EP400: variants seen among roughly 807,000 people sequenced by gnomAD.
EP400 encodes E1A binding protein p400, also known as E1A-binding protein p400.
EP400 carries 105 observed loss-of-function variants against 354.1 expected under a neutral mutation model. The ratio of observed to expected loss-of-function variants is 0.30; its 90% CI spans 0.25 to 0.35. The LOEUF is 0.35. Ranked by LOEUF, EP400 falls within the 10% of genes least tolerant of loss-of-function variation. EP400 has a pLI of 1.00. For missense variants in EP400, 3,280 were observed against 4,121.0 expected (o/e 0.80, Z 5.59); for synonymous variants, 1,646 against 1,716.9 (o/e 0.96, Z 1.02).
At chr12:131,960,390 G>C (rs371965516) in intron 1 of EP400, among the ~76,000 whole-genome samples, 195 bp from the exon 2 acceptor site, 1 of 152,144 alleles carries the variant, frequency 6.6e-6, no homozygotes, top group Non-Finnish European at 1.5e-5. Context: ...ACCCACTCCC[G>C]TGTGGCCCAC....
Position 132,050,318 on chromosome 12 carries a change from T to C in EP400, c.7201-5T>C. 6.2e-7 allele frequency: 1 copy of C among 1,614,016 alleles called. No individual in the cohort carries two copies. Among genetic ancestry groups the C allele is most frequent in the Non-Finnish European group, 8.5e-7 (1 of 1,179,978 alleles). ...TCAGATGCACTCTCGTCAATTTCAT[T>C]GCAGAGTAAAAACAACCGTCCTCTC... On this transcript the variant is annotated splice_region_variant and splice_polypyrimidine_tract_variant and intron_variant, in intron 39 of 52. Coordinates refer to ENST00000389561, the MANE Select transcript of EP400 (RefSeq NM_015409.5). The surrounding 1 kb of genome is among the most constrained non-coding windows in gnomAD (Gnocchi z 4.8).
At position 132,013,042 on chromosome 12, in the gene EP400, A is replaced by G. The variant is rs767791937; in HGVS notation, c.3475A>G (p.Ile1159Val). Residue 1159 changes from isoleucine (I) to valine (V), a missense_variant, in exon 17 of 53, where the codon ATC becomes GTC. By Grantham distance (29) the Ile-to-Val change is conservative (BLOSUM62 3). Transcript: ENST00000389561. The surrounding 1 kb of genome is among the most constrained non-coding windows in gnomAD (Gnocchi z 4.5). Reference protein sequence around the residue: ...WAEPNSFHVCITSYTQFFRGL... With the variant: ...WAEPNSFHVCVTSYTQFFRGL... ...CGAACCCAACAGCTTCCACGTCTGC[A>G]TCACGTCCTACACTCAGTTCTTCCG... 1.9e-6 allele frequency: 3 copies of G among 1,613,724 alleles called. No individual in the cohort carries two copies. Among genetic ancestry groups the G allele is most frequent in the Non-Finnish European group, 2.5e-6 (3 of 1,179,946 alleles).
At chr12:131,987,380 A>G (rs1394289455) in intron 6 of EP400, among the ~76,000 whole-genome samples, 1 of 152,144 alleles carries the variant, frequency 6.6e-6, no homozygotes, top group Non-Finnish European at 1.5e-5. Context: ...AATTCCAGAC[A>G]TCCTATGGTT....
At position 132,069,568 on chromosome 12, in the gene EP400, C is replaced by A; in HGVS notation, c.8948C>A (p.Thr2983Asn). The A allele has an allele frequency of 6.2e-7, 1 of 1,614,228 alleles. No homozygotes were observed. Among genetic ancestry groups the A allele is most frequent in the Non-Finnish European group, 8.5e-7 (1 of 1,180,016 alleles). Residue 2983 changes from threonine to asparagine, a missense_variant, in exon 51 of 53, where the codon ACC becomes AAC. Physicochemically the swap from Thr to Asn is moderately conservative, Grantham distance 65. Transcript: ENST00000389561. ...VAYAAQPALK[T>N]QFLTTPISQA... ...TACGCCGCGCAGCCGGCCCTTAAGACCCAGTTTCTTACCACACCCATCTCC... is the reference window on the plus strand; with the variant it reads ...TACGCCGCGCAGCCGGCCCTTAAGAACCAGTTTCTTACCACACCCATCTCC...
rs1032905133 is a variant in EP400, at chr12:132,067,329, G to A, written c.8750-33G>A. Reference sequence around the variant, plus strand: ...GCGTGAGCCTCAAGCTCTTTTCCCAGTGTGCTGACTAAGGGGCTTTTGCTG... The same window carrying A: ...GCGTGAGCCTCAAGCTCTTTTCCCAATGTGCTGACTAAGGGGCTTTTGCTG... On this transcript the variant is annotated intron_variant, in intron 49 of 52. Transcript: ENST00000389561. The surrounding 1 kb of genome is among the most constrained non-coding windows in gnomAD (Gnocchi z 5.3). 2.2e-5 allele frequency: 35 copies of A among 1,602,188 alleles called. No individual in the cohort carries two copies. Among genetic ancestry groups the A allele is most frequent in the Non-Finnish European group, 2.7e-5 (32 of 1,172,772 alleles).
chr12:131,995,097 C>A (rs1295217735), intron 12 of EP400, 141 bp downstream of exon 12: 10 of 743,260 alleles, frequency 1.3e-5, no homozygotes, highest in Non-Finnish European at 2.2e-5. Context: ...CCTCCTGCTG[C>A]TCTCTCTCCT....
In EP400 at chr12:132,050,202, G is replaced by A; in HGVS notation, c.7201-121G>A. On this transcript the variant is annotated intron_variant, in intron 39 of 52. Transcript: ENST00000389561. This position sits in a 1 kb window ranked among gnomAD's most constrained non-coding sequence, Gnocchi z 4.8. ...ACTTGGAAAGAAGGCCCAGGAAAAGGAAGTTTGTGTTCAGCCATGGGGAGT... is the reference window on the plus strand; with the variant it reads ...ACTTGGAAAGAAGGCCCAGGAAAAGAAAGTTTGTGTTCAGCCATGGGGAGT... 6 of 1,244,766 alleles carry A rather than the reference G, an allele frequency of 4.8e-6. No individual in the cohort carries two copies. The highest frequency in any genetic ancestry group is 6.7e-6 in the Non-Finnish European group (6 of 895,158). The allele number at this position is 1,244,766 out of a possible 1,614,324, so 77.1% of individuals were successfully genotyped here.
chr12:132,034,814 G>A (rs1478990086), intron 30 of EP400, among the ~76,000 whole-genome samples: 2 of 152,192 alleles, frequency 1.3e-5, no homozygotes, highest in African/African-American at 4.8e-5. Flanking sequence ...TGTTTTCGGT[G>A]GAGCAGCAGT....
chr12:131,951,663 G>T (rs1891499941), intron 1 of EP400, among the ~76,000 whole-genome samples: 1 of 151,204 alleles, frequency 6.6e-6, no homozygotes, highest in South Asian at 2.1e-4. Flanking sequence ...GTGCAGTGGC[G>T]CGATCTCGGC....
In EP400 at chr12:131,987,734, G is replaced by A; in HGVS notation, c.2253G>A (p.Glu751=). The part of the protein sequence containing the change: ...LENQVHQRIA[E]LRKAGLWSQR... ...ACCAGGTGCATCAGCGCATTGCGGAGCTGAGGAAAGCAGGTCTGTGGTCCC... is the reference window on the plus strand; with the variant it reads ...ACCAGGTGCATCAGCGCATTGCGGAACTGAGGAAAGCAGGTCTGTGGTCCC... The change falls in exon 7 of 53, where the codon GAG becomes GAA. Residue 751 remains glutamate (E), a synonymous_variant. Transcript: ENST00000389561. 1.9e-6 allele frequency: 3 copies of A among 1,610,536 alleles called. No individual in the cohort carries two copies. Among genetic ancestry groups the A allele is most frequent in the Non-Finnish European group, 2.5e-6 (3 of 1,179,184 alleles).
rs149148485 is a variant in EP400, at chr12:131,989,996, G to A, written c.2442G>A (p.Glu814=). Reference sequence around the variant, plus strand: ...GAACTGTGGTGCGCCATCACGAGGAGAAGCAGCTCCGTGAAGAAAGGGGGA... The same window carrying A: ...GAACTGTGGTGCGCCATCACGAGGAAAAGCAGCTCCGTGAAGAAAGGGGGA... The part of the protein sequence containing the change: ...LVRTVVRHHE[E]KQLREERGKK... Residue 814 remains glutamate (E), a synonymous_variant, in exon 8 of 53, where the codon GAG becomes GAA. Transcript: ENST00000389561. 105 of 1,613,686 alleles carry A rather than the reference G, an allele frequency of 6.5e-5. No individual in the cohort carries two copies. The African/African-American group carries it at 1.1e-3, about 16-fold the overall frequency.
chr12:131,953,057 C>A (rs1891569615), intron 1 of EP400, among the ~76,000 whole-genome samples: 1 of 152,104 alleles, frequency 6.6e-6, no homozygotes, highest in African/African-American at 2.4e-5. Context: ...GCGATATCTC[C>A]AACAAGGGAG....
At chr12:132,062,834 G>A in intron 47 of EP400, 133 bp downstream of exon 47, 1 of 1,131,610 alleles carries the variant, frequency 8.8e-7, no homozygotes, top group Non-Finnish European at 1.3e-6. Context: ...CTTTATGTAG[G>A]ACGCGTGCTT....
intron 12 of EP400, among the ~76,000 whole-genome samples, chr12:132,004,250 G>A (rs1471250687): frequency 6.6e-6 from 1 of 152,196 alleles, no homozygotes; most frequent in Non-Finnish European, 1.5e-5. Context: ...TGATTTTAAG[G>A]TGGTTGATAA....
chr12:131,972,369 G>A (rs991200056), intron 2 of EP400, among the ~76,000 whole-genome samples: 1 of 151,934 alleles, frequency 6.6e-6, no homozygotes, highest in African/African-American at 2.4e-5. Flanking sequence ...TAGCCAGGAT[G>A]GTCTCGATCT....
intron 39 of EP400, among the ~76,000 whole-genome samples, chr12:132,049,160 G>T (rs2136584916): frequency 6.6e-6 from 1 of 152,336 alleles, no homozygotes; most frequent in East Asian, 1.9e-4. Flanking sequence ...AGCCTGCGGG[G>T]GCTCCAGCAA....
intron 2 of EP400, among the ~76,000 whole-genome samples, chr12:131,962,865 T>A (rs911663231): frequency 1.3e-5 from 2 of 152,258 alleles, no homozygotes; most frequent in Non-Finnish European, 2.9e-5. Context: ...TGTCAGCTCT[T>A]CTGCAAAGAA....
chr12:131,967,337 TGCCACTGCACTCCA>T (rs1358329484), intron 2 of EP400, among the ~76,000 whole-genome samples: 1 of 150,414 alleles, frequency 6.6e-6, no homozygotes, highest in Non-Finnish European at 1.5e-5. Context: ...GCTGAGATCA[TGCCACTGCACTCCA>T]GCCTGGGTGA....
chr12:132,057,772 T>C (rs1279728595), intron 45 of EP400, among the ~76,000 whole-genome samples: 1 of 152,214 alleles, frequency 6.6e-6, no homozygotes, highest in Non-Finnish European at 1.5e-5. Flanking sequence ...GTTTGGAACA[T>C]CCCGTATGAC....
Sources: gnomAD v4.1 joint callset for allele counts (sites outside exome capture counted in the v4.1 genomes callset) on GRCh38, gnomAD v4.1.1 for gene constraint, Gnocchi (gnomAD v3.1) non-coding constraint, MANE v1.5 for transcripts, NCBI Gene and HGNC (gene_info 2026-07-23, HGNC 2026-07-21) for gene names.